Variants in ANTXR1 observed in about 807,000 individuals in gnomAD.
ANTXR1 encodes the protein anthrax toxin receptor 1.
A neutral mutation model predicts 78.1 loss-of-function variants in ANTXR1; 19 were observed. That is an observed-to-expected ratio of 0.24 (90% CI 0.17 to 0.36). ANTXR1 has a LOEUF of 0.36. ANTXR1 is among the 10% of genes least tolerant of loss of function. ANTXR1 has a pLI of 1.00. For synonymous variants in ANTXR1, 273 were observed against 260.5 expected (o/e 1.05, Z -0.46); for missense variants, 518 against 718.6 (o/e 0.72, Z 3.19).
chr2:69,207,485 A>T (rs1674935339), intron 17 of ANTXR1, among the ~76,000 whole-genome samples: 1 of 152,180 alleles, frequency 6.6e-6, no homozygotes. Context: ...AAAAAGAGAG[A>T]GATGCAGTTT....
chr2:69,192,513 T>C (rs1558635600), intron 16 of ANTXR1, among the ~76,000 whole-genome samples: 1 of 152,154 alleles, frequency 6.6e-6, no homozygotes, highest in African/African-American at 2.4e-5. Context: ...ATGGGTCTTC[T>C]AGGAAGGACC....
intron 3 of ANTXR1, among the ~76,000 whole-genome samples, chr2:69,069,165 C>T (rs1411122302): frequency 1.3e-5 from 2 of 152,100 alleles, no homozygotes; most frequent in Non-Finnish European, 2.9e-5. Context: ...CCACGGTCTC[C>T]CCATCATATC....
chr2:69,222,615 G>A (rs1377116676), intron 17 of ANTXR1, among the ~76,000 whole-genome samples: 2 of 152,222 alleles, frequency 1.3e-5, no homozygotes, highest in African/African-American at 4.8e-5. Flanking sequence ...CCGGAAGGGG[G>A]CTGGGGGTGA....
At chr2:69,080,797 C>G (rs1368987244) in intron 8 of ANTXR1, among the ~76,000 whole-genome samples, 1 of 152,164 alleles carries the variant, frequency 6.6e-6, no homozygotes, top group Non-Finnish European at 1.5e-5. Context: ...CGTAATGGAG[C>G]CATCCATTGG....
At position 69,245,460 on chromosome 2, in the gene ANTXR1, G is replaced by T. The variant is rs185708952; in HGVS notation, c.1670G>T (p.Arg557Leu). The T allele has an allele frequency of 2.7e-5, 41 of 1,518,666 alleles. No homozygotes were observed. Among genetic ancestry groups the T allele is most frequent in the Non-Finnish European group, 3.5e-5 (39 of 1,118,374 alleles). 94.1% of individuals were successfully genotyped at this position (1,518,666 alleles called of 1,614,324 possible). ...PPPNRAPPPSRPPPRPSV is the reference protein window; with the variant it reads ...PPPNRAPPPSLPPPRPSV ...CCCAACAGGGCACCTCCTCCCTCCC[G>T]CCCTCCTCCAAGGCCTTCTGTCTAG... Residue 557 changes from arginine to leucine, a missense_variant, in exon 18 of 18, where the codon CGC becomes CTC. Arg to Leu is a moderately radical substitution (Grantham distance 102). Transcript: ENST00000303714.
chr2:69,079,366 G>A (rs1670832160), intron 8 of ANTXR1, among the ~76,000 whole-genome samples: 1 of 152,156 alleles, frequency 6.6e-6, no homozygotes, highest in African/African-American at 2.4e-5. Flanking sequence ...AAGCTCAGAG[G>A]TGGATTATTC....
intron 17 of ANTXR1, among the ~76,000 whole-genome samples, chr2:69,197,657 C>T (rs1367873401): frequency 1.3e-5 from 2 of 152,170 alleles, no homozygotes; most frequent in Admixed American, 6.5e-5. Flanking sequence ...GGGGGCATTG[C>T]CCAAGCAGAA....
rs116423821 is a variant in ANTXR1, at chr2:69,037,805, G to A, written c.153-2239G>A. 1.2e-4 allele frequency among the ~76,000 whole-genome samples: 18 copies of A among 152,136 alleles called. No individual in the cohort carries two copies. In the South Asian group the frequency reaches 2.3e-3, roughly 19 times the overall value. The stretch of plus-strand genomic sequence containing the variant: ...TGAATGAAGAGTTGCTTGCCACTGC[G>A]GACAATGAGTATCCCAAGCAGATGC... On this transcript the variant is annotated intron_variant, in intron 1 of 17. Coordinates refer to ENST00000303714, the MANE Select transcript of ANTXR1 (RefSeq NM_032208.3).
At chr2:69,062,915 G>T (rs568842706) in intron 3 of ANTXR1, among the ~76,000 whole-genome samples, 94 of 152,256 alleles carry the variant, frequency 6.2e-4, no homozygotes, top group African/African-American at 2.2e-3. Flanking sequence ...AGTGAAAACT[G>T]TGGAACTGAA....
chr2:69,207,687 C>T (rs1210072196), intron 17 of ANTXR1, among the ~76,000 whole-genome samples: 5 of 152,122 alleles, frequency 3.3e-5, no homozygotes, highest in Non-Finnish European at 4.4e-5. Flanking sequence ...GGATTTTTCT[C>T]GGCCAATTTG....
chr2:69,220,983 A>C (rs1436508130), intron 17 of ANTXR1, among the ~76,000 whole-genome samples: 3 of 152,262 alleles, frequency 2.0e-5, no homozygotes, highest in African/African-American at 7.2e-5. Flanking sequence ...CTATTAAATA[A>C]GACATCATTT....
At chr2:69,215,819 A>ATT (rs1675160530) in intron 17 of ANTXR1, among the ~76,000 whole-genome samples, 1 of 152,234 alleles carries the variant, frequency 6.6e-6, no homozygotes, top group Non-Finnish European at 1.5e-5. Flanking sequence ...CCTCTCTCCC[A>ATT]TTCTTCTTCA....
At chr2:69,019,615 T>TA (rs78690695) in intron 1 of ANTXR1, among the ~76,000 whole-genome samples, 2,656 of 152,016 alleles carry the variant, frequency 0.017, 99 homozygotes, top group East Asian at 0.17. Flanking sequence ...TAAAAGATGT[T>TA]AAAAAAAAGA....
chr2:69,104,186 G>A (rs554175018), intron 10 of ANTXR1, among the ~76,000 whole-genome samples: 9 of 152,064 alleles, frequency 5.9e-5, no homozygotes, highest in Non-Finnish European at 4.4e-5. Context: ...TGATCCACCC[G>A]CCTCGGCTTC....
intron 3 of ANTXR1, among the ~76,000 whole-genome samples, chr2:69,052,776 ATCTT>A (rs752445047): frequency 1.1e-4 from 16 of 151,960 alleles, no homozygotes; most frequent in Non-Finnish European, 2.2e-4. Flanking sequence ...TAATTTTTTA[ATCTT>A]TCTATTATTT....
At chr2:69,128,055 C>T (rs1672602603) in intron 12 of ANTXR1, among the ~76,000 whole-genome samples, 1 of 152,020 alleles carries the variant, frequency 6.6e-6, no homozygotes, top group Non-Finnish European at 1.5e-5. Context: ...CAAAACTCTG[C>T]CTCTACTAAA....
At chr2:69,212,488 C>T (rs2104499889) in intron 17 of ANTXR1, among the ~76,000 whole-genome samples, 1 of 152,338 alleles carries the variant, frequency 6.6e-6, no homozygotes, top group Admixed American at 6.5e-5. Context: ...TCAGCTCTAA[C>T]CAGTGAGTGC....
In ANTXR1 at chr2:69,170,337, AG is replaced by A. The variant is rs760980170; in HGVS notation, c.1089+51del. The A allele has an allele frequency of 3.1e-6, 5 of 1,609,592 alleles. No individual in the cohort carries two copies. The South Asian group carries it at 5.5e-5, about 18-fold the overall frequency. On this transcript the variant is annotated intron_variant, in intron 14 of 17. Transcript: ENST00000303714. Reference sequence around the variant, plus strand: ...CAGTGGGTGGGCAGGGTGGCAGAGTAGGGTGGAGAGCTGGCTGGGCAGCTGG... The same window carrying A: ...CAGTGGGTGGGCAGGGTGGCAGAGTAGGTGGAGAGCTGGCTGGGCAGCTGG...
rs1207253625 is a variant in ANTXR1, at chr2:69,248,139, G to A, written c.*2654G>A. 6.1e-6 allele frequency: 1 copy of A among 164,706 alleles called. No individual in the cohort carries two copies. The highest frequency in any genetic ancestry group is 1.5e-5 in the Non-Finnish European group (1 of 66,604). The allele number at this position is 164,706 out of a possible 1,614,324, so 10.2% of individuals were successfully genotyped here. On this transcript the variant is annotated 3_prime_UTR_variant, in exon 18 of 18. Transcript: ENST00000303714. ...GTGTCATTCCCTGTAAAAGGCAGGA[G>A]ACATGTGATTATGATCAGGAAACTG...
Sources: allele counts gnomAD v4.1 joint callset (sites outside exome capture counted in the v4.1 genomes callset), GRCh38; gene constraint gnomAD v4.1.1; transcripts MANE v1.5; gene names NCBI Gene and HGNC (gene_info 2026-07-23, HGNC 2026-07-21).